DLGAP2: variants seen among roughly 807,000 people sequenced by gnomAD.
The protein encoded by DLGAP2 is disks large-associated protein 2.
DLGAP2 carries 26 observed loss-of-function variants against 100.3 expected under a neutral mutation model. That is an observed-to-expected ratio of 0.26 (90% CI 0.19 to 0.36). The LOEUF (loss-of-function observed/expected upper bound fraction) is 0.36, where lower values mean the gene tolerates loss of function less well. DLGAP2 is among the 10% of genes least tolerant of loss of function. The probability of loss-of-function intolerance (pLI) is 1.00; values close to 1 mark genes in which losing one functional copy is unlikely to be tolerated. For missense variants in DLGAP2, 1,858 were observed against 1,453.2 expected (o/e 1.28, Z -4.53); for synonymous variants, 886 against 630.1 (o/e 1.41, Z -6.08).
intron 2 of DLGAP2, among the ~76,000 whole-genome samples, chr8:1,107,465 T>G (rs565745417): frequency 6.6e-6 from 1 of 152,340 alleles, no homozygotes; most frequent in African/African-American, 2.4e-5. Context: ...ATCCTTGTCC[T>G]GTGTGGGTCT....
At chr8:1,407,845 A>T (rs7819095) in intron 3 of DLGAP2, among the ~76,000 whole-genome samples, 1 of 141,738 alleles carries the variant, frequency 7.1e-6, no homozygotes, top group African/African-American at 2.8e-5. Context: ...CATCCTCCGG[A>T]GTCGTGTATT....
At chr8:1,090,997 A>T (rs1804162022) in intron 2 of DLGAP2, among the ~76,000 whole-genome samples, 1 of 152,168 alleles carries the variant, frequency 6.6e-6, no homozygotes, top group Admixed American at 6.5e-5. Flanking sequence ...ACCTCATCAG[A>T]ACGTTAACTT....
chr8:862,870 AT>A (rs1212937413), intron 1 of DLGAP2, among the ~76,000 whole-genome samples: 1 of 152,148 alleles, frequency 6.6e-6, no homozygotes, highest in Non-Finnish European at 1.5e-5. Flanking sequence ...GTTGTTTTAT[AT>A]TTTACTTATT....
intron 1 of DLGAP2, among the ~76,000 whole-genome samples, chr8:756,187 C>T (rs1263438912): frequency 6.6e-6 from 1 of 151,960 alleles, no homozygotes; most frequent in African/African-American, 2.4e-5. Flanking sequence ...CCACGAGTGT[C>T]TGGGAGGAGC....
At chr8:1,538,389 C>T (rs765696968) in intron 4 of DLGAP2, among the ~76,000 whole-genome samples, 1 of 152,162 alleles carries the variant, frequency 6.6e-6, no homozygotes, top group Non-Finnish European at 1.5e-5. Context: ...CATGTTCTCT[C>T]CACAAACACA....
chr8:1,508,261 G>A (rs1231740872), intron 4 of DLGAP2, among the ~76,000 whole-genome samples: 8 of 119,474 alleles, frequency 6.7e-5, no homozygotes, highest in Non-Finnish European at 5.4e-5. Context: ...GCCTGCTCCC[G>A]GGCTGCCCCC....
At chr8:1,696,743 T>G (rs977614627) in intron 13 of DLGAP2, among the ~76,000 whole-genome samples, 3 of 152,162 alleles carry the variant, frequency 2.0e-5, no homozygotes, top group Non-Finnish European at 4.4e-5. Context: ...AGGTATAGAA[T>G]GGGCTCCAAG....
At chr8:1,524,885 G>T (rs757870373) in intron 4 of DLGAP2, among the ~76,000 whole-genome samples, 1 of 151,936 alleles carries the variant, frequency 6.6e-6, no homozygotes, top group Non-Finnish European at 1.5e-5. Flanking sequence ...TTAGCGCTGT[G>T]TTCTGCTAAC....
In DLGAP2 at chr8:1,707,231, G is replaced by C. The variant is rs140010986; in HGVS notation, c.*5825G>C. The C allele has an allele frequency of 2.6e-5, 4 of 152,736 alleles. No individual in the cohort carries two copies. The highest frequency in any genetic ancestry group is 9.6e-5 in the African/African-American group (4 of 41,562). 9.5% of individuals were successfully genotyped at this position (152,736 alleles called of 1,614,324 possible). A position where few individuals can be genotyped will look rare whatever the true frequency, so the allele number is the denominator to read the frequency against. On this transcript the variant is annotated 3_prime_UTR_variant, in exon 15 of 15. Transcript: ENST00000637795. ...TTCACCTACTCAATGGAGGAGAGGT[G>C]ATAATGAATGAAAAGATTGACACCA...
intron 8 of DLGAP2, among the ~76,000 whole-genome samples, chr8:1,639,135 A>G (rs893025443): frequency 6.6e-6 from 1 of 152,178 alleles, no homozygotes; most frequent in Non-Finnish European, 1.5e-5. Context: ...ACCCAACTTC[A>G]AGAAGAGGTG....
chr8:771,961 G>A (rs1353242283), intron 1 of DLGAP2, among the ~76,000 whole-genome samples: 1 of 152,142 alleles, frequency 6.6e-6, no homozygotes, highest in Non-Finnish European at 1.5e-5. Context: ...GGAGTGCAGT[G>A]GCACCATCAT....
chr8:849,082 T>C (rs969379866), intron 1 of DLGAP2, among the ~76,000 whole-genome samples: 4 of 151,408 alleles, frequency 2.6e-5, no homozygotes, highest in Non-Finnish European at 4.4e-5. Context: ...TATAGAATCT[T>C]GTGGTGCATG....
At chr8:1,307,936 G>C (rs1800527894) in intron 3 of DLGAP2, among the ~76,000 whole-genome samples, 1 of 146,676 alleles carries the variant, frequency 6.8e-6, no homozygotes, top group Admixed American at 6.8e-5. Context: ...GCATTTTGGA[G>C]ACAATGGCAC....
rs1797227065 is a variant in DLGAP2 at position 853,874 on chromosome 8, C to T, written c.19-54038C>T. ...GTCCCCCAGATTCATACCCTAACCCCCAATGTGATGGTGTTAGGAGGAGAG... is the reference window on the plus strand; with the variant it reads ...GTCCCCCAGATTCATACCCTAACCCTCAATGTGATGGTGTTAGGAGGAGAG... On this transcript the variant is annotated intron_variant, in intron 1 of 14. Coordinates refer to ENST00000637795, the MANE Select transcript of DLGAP2 (RefSeq NM_001346810.2). Among the ~76,000 whole-genome samples, 3 of 152,076 alleles carry T rather than the reference C, an allele frequency of 2.0e-5. No homozygotes were observed. In the South Asian group the frequency reaches 6.2e-4, roughly 32 times the overall value.
chr8:1,335,934 T>C (rs955153496), intron 3 of DLGAP2, among the ~76,000 whole-genome samples: 1 of 151,658 alleles, frequency 6.6e-6, no homozygotes, highest in African/African-American at 2.4e-5. Context: ...GGGCTGCGCG[T>C]GGTGACGCGG....
chr8:1,330,639 G>A (rs1413912326), intron 3 of DLGAP2, among the ~76,000 whole-genome samples: 1 of 136,876 alleles, frequency 7.3e-6, no homozygotes, highest in African/African-American at 2.8e-5. Flanking sequence ...CGGGGACCGA[G>A]TTCTGGGTGG....
At chr8:964,907 G>C (rs1799811028) in intron 2 of DLGAP2, among the ~76,000 whole-genome samples, 1 of 152,130 alleles carries the variant, frequency 6.6e-6, no homozygotes, top group Admixed American at 6.5e-5. Flanking sequence ...CCCGCTCGCT[G>C]AGCCCGACTT....
At chr8:1,425,385 C>A (rs1305317915) in intron 3 of DLGAP2, among the ~76,000 whole-genome samples, 1 of 152,178 alleles carries the variant, frequency 6.6e-6, no homozygotes, top group Non-Finnish European at 1.5e-5. Flanking sequence ...CAGCCAGGTA[C>A]AACATTAGCT....
intron 2 of DLGAP2, among the ~76,000 whole-genome samples, chr8:1,078,808 G>A (rs1441454312): frequency 1.3e-5 from 2 of 152,158 alleles, no homozygotes; most frequent in Non-Finnish European, 2.9e-5. Flanking sequence ...TTCACCTAAT[G>A]AAGGACATCG....
Sources: allele counts gnomAD v4.1 joint callset (sites outside exome capture counted in the v4.1 genomes callset), GRCh38; gene constraint gnomAD v4.1.1; transcripts MANE v1.5; gene names NCBI Gene and HGNC (gene_info 2026-07-23, HGNC 2026-07-21).